CBFA2T3: variants seen among roughly 807,000 people sequenced by gnomAD.
CBFA2T3 encodes the protein CBFA2/RUNX1 partner transcriptional co-repressor 3, also known as transcriptional corepressor CBFA2T3.
Under a neutral mutation model 58.6 loss-of-function variants are expected in CBFA2T3, and 31 were observed. The observed-to-expected ratio is 0.53, with a 90% CI of 0.40 to 0.71. The LOEUF (loss-of-function observed/expected upper bound fraction) is 0.71. Among genes scored for constraint, CBFA2T3 ranks in the 30% least tolerant of loss-of-function variants. The probability of loss-of-function intolerance (pLI) is 0.00; values close to 1 mark genes in which losing one functional copy is unlikely to be tolerated. For synonymous variants in CBFA2T3, 531 were observed against 421.9 expected (o/e 1.26, Z -3.17); for missense variants, 1,076 against 963.1 (o/e 1.12, Z -1.55).
intron 7 of CBFA2T3, 27 bp from the exon 8 acceptor site, chr16:88,882,788 G>A: frequency 6.9e-7 from 1 of 1,441,684 alleles, no homozygotes; most frequent in Non-Finnish European, 9.5e-7. Context: ...TGCACGCTTA[G>A]GTCCCACCCA....
Position 88,904,902 on chromosome 16 carries a change from C to T in CBFA2T3, c.152-3246G>A, listed in dbSNP as rs6500507. Reference sequence around the variant, plus strand: ...CAGGAAGATGACGCGGAGTTCCCCACGCCCTGCCTTGGCAAGCAAGGAAAC... The same window carrying T: ...CAGGAAGATGACGCGGAGTTCCCCATGCCCTGCCTTGGCAAGCAAGGAAAC... On this transcript the variant is annotated intron_variant, in intron 1 of 11. Coordinates refer to ENST00000268679, the MANE Select transcript of CBFA2T3 (RefSeq NM_005187.6). Among the ~76,000 whole-genome samples, 7 of 152,272 alleles carry T rather than the reference C, an allele frequency of 4.6e-5. No homozygotes were observed. The South Asian group carries it at 1.0e-3, about 23-fold the overall frequency.
chr16:88,901,155 C>T (rs942486067), intron 2 of CBFA2T3, among the ~76,000 whole-genome samples: 2 of 152,256 alleles, frequency 1.3e-5, no homozygotes, highest in Non-Finnish European at 2.9e-5. Flanking sequence ...GCCTGCCGGA[C>T]GAGGCAGGAA....
At position 88,885,379 on chromosome 16, in the gene CBFA2T3, G is replaced by A. The variant is rs944549314; in HGVS notation, c.894-110C>T. The A allele has an allele frequency of 8.7e-6, 6 of 692,782 alleles. No individual in the cohort carries two copies. Among genetic ancestry groups the A allele is most frequent in the African/African-American group, 3.7e-5 (2 of 53,842 alleles). The allele number at this position is 692,782 out of a possible 1,614,324, so 42.9% of individuals were successfully genotyped here. Reference sequence around the variant, plus strand: ...GCAAGGGCAGAGAGAAAGAGGACACGTAAGGGCGAGACAGAAACACGGAGC... The same window carrying A: ...GCAAGGGCAGAGAGAAAGAGGACACATAAGGGCGAGACAGAAACACGGAGC... On this transcript the variant is annotated intron_variant, in intron 6 of 11. Coordinates refer to ENST00000268679, the MANE Select transcript of CBFA2T3 (RefSeq NM_005187.6). This position sits in a 1 kb window ranked among gnomAD's most constrained non-coding sequence, Gnocchi z 5.3.
intron 10 of CBFA2T3, chr16:88,879,713 C>T: frequency 2.1e-6 from 1 of 481,870 alleles, no homozygotes; most frequent in Admixed American, 3.4e-5. Context: ...ACAGGCATCC[C>T]AGGCATGTGT....
At position 88,885,534 on chromosome 16, in the gene CBFA2T3, G is replaced by A. The variant is rs777703411; in HGVS notation, c.894-265C>T. 1.4e-4 allele frequency among the ~76,000 whole-genome samples: 21 copies of A among 152,260 alleles called. No homozygotes were observed. Among genetic ancestry groups the A allele is most frequent in the African/African-American group, 3.9e-4 (16 of 41,546 alleles). On this transcript the variant is annotated intron_variant, in intron 6 of 11. Coordinates refer to ENST00000268679, the MANE Select transcript of CBFA2T3 (RefSeq NM_005187.6). The surrounding 1 kb of genome is among the most constrained non-coding windows in gnomAD (Gnocchi z 5.3). ...GCCTGGTGGTCAAAGAGCCGGACTC[G>A]CTGCTCTGGGAACGAGGAGAGGGAT...
intron 1 of CBFA2T3, among the ~76,000 whole-genome samples, chr16:88,918,349 T>C (rs207476260): frequency 6.6e-6 from 1 of 152,216 alleles, no homozygotes; most frequent in Non-Finnish European, 1.5e-5. Context: ...CCCTGTCCTC[T>C]TGCCCTGGCA....
At position 88,976,888 on chromosome 16, in the gene CBFA2T3, T is replaced by C; in HGVS notation, c.-81A>G. On this transcript the variant is annotated 5_prime_UTR_variant, in exon 1 of 12. Coordinates refer to ENST00000268679, the MANE Select transcript of CBFA2T3 (RefSeq NM_005187.6). ...CTGCCTTTCCCGACCTCCTGCAGCC[T>C]TGAGGGAAAGAGGAGGGGCTGGGCC... The C allele has an allele frequency of 6.8e-7, 1 of 1,471,382 alleles. No homozygotes were observed. Among genetic ancestry groups the C allele is most frequent in the South Asian group, 1.3e-5 (1 of 75,960 alleles). The allele number at this position is 1,471,382 out of a possible 1,614,324, so 91.1% of individuals were successfully genotyped here.
chr16:88,967,836 GC>G (rs1972553728), intron 1 of CBFA2T3, among the ~76,000 whole-genome samples: 2 of 152,226 alleles, frequency 1.3e-5, no homozygotes, highest in Admixed American at 6.5e-5. Context: ...GACGCCCCCT[GC>G]CCCGGAGCAG....
At chr16:88,882,632 G>A (rs370266159) in intron 8 of CBFA2T3, 44 bp downstream of exon 8, 20 of 1,309,322 alleles carry the variant, frequency 1.5e-5, no homozygotes, top group Middle Eastern at 2.3e-4. Flanking sequence ...GTGGCTGTGC[G>A]CCTGGGCATG....
chr16:88,936,511 A>G (rs916855624), intron 1 of CBFA2T3, among the ~76,000 whole-genome samples: 2 of 151,894 alleles, frequency 1.3e-5, no homozygotes, highest in African/African-American at 4.8e-5. Context: ...GGGGCAGCCG[A>G]GTATCCACCA....
rs977577041 is a variant in CBFA2T3 at position 88,977,103 on chromosome 16, G to C, written c.-296C>G. On this transcript the variant is annotated 5_prime_UTR_variant, in exon 1 of 12. Transcript: ENST00000268679. ...GGGTGAGGCAGCCAGCTGTGTCCCC[G>C]TGATAATGCCGGGGCCGGAGGCCTG... The C allele has an allele frequency of 2.8e-6, 1 of 354,212 alleles. No homozygotes were observed. Among genetic ancestry groups the C allele is most frequent in the Non-Finnish European group, 5.2e-6 (1 of 193,118 alleles). The allele number at this position is 354,212 out of a possible 1,614,324, so 21.9% of individuals were successfully genotyped here.
At chr16:88,901,472 T>C in intron 2 of CBFA2T3, 32 bp downstream of exon 2, 1 of 1,307,282 alleles carries the variant, frequency 7.6e-7, no homozygotes, top group Non-Finnish European at 1.0e-6. Context: ...CTGAAACACC[T>C]GGCCCTCGGC....
chr16:88,886,300 C>T (rs1410029520), intron 5 of CBFA2T3, 158 bp from the exon 6 acceptor site: 3 of 467,312 alleles, frequency 6.4e-6, no homozygotes, highest in African/African-American at 6.1e-5. Flanking sequence ...AAGTTCCTTC[C>T]TAGCAGTGCC....
intron 5 of CBFA2T3, among the ~76,000 whole-genome samples, chr16:88,890,262 G>A (rs564111237): frequency 3.3e-5 from 5 of 152,324 alleles, no homozygotes; most frequent in African/African-American, 7.2e-5. Flanking sequence ...ACAGCCTGAG[G>A]ATGATTCCAT....
intron 1 of CBFA2T3, among the ~76,000 whole-genome samples, chr16:88,905,081 G>C (rs1046532398): frequency 6.6e-6 from 1 of 152,050 alleles, no homozygotes; most frequent in Admixed American, 6.5e-5. Context: ...TTGTGGCCAA[G>C]AGAACAGCCT....
intron 1 of CBFA2T3, among the ~76,000 whole-genome samples, chr16:88,905,323 C>T (rs1453578473): frequency 6.6e-6 from 1 of 152,104 alleles, no homozygotes; most frequent in Non-Finnish European, 1.5e-5. Flanking sequence ...GGGCTCAGGG[C>T]CATGCACGAC....
rs1555534358 is a variant in CBFA2T3 at position 88,903,693 on chromosome 16, G to GGT, written c.152-2038_152-2037insAC. 1.0e-3 allele frequency among the ~76,000 whole-genome samples: 139 copies of GGT among 134,054 alleles called. 4 individuals are homozygous for GGT. The highest frequency in any genetic ancestry group is 3.6e-3 in the African/African-American group (130 of 36,038). 87.9% of individuals were successfully genotyped at this position (134,054 alleles called of 152,430 possible). A position where few individuals can be genotyped will look rare whatever the true frequency, so the allele number is the denominator to read the frequency against. On this transcript the variant is annotated intron_variant, in intron 1 of 11. Transcript: ENST00000268679. ...GGGCGTTCCTGGGGGGGCATTCCTG[G>GGT]GGGGGGCGTTCCTGGTGGGGGCAGC...
chr16:88,891,874 C>T lies in CBFA2T3; in HGVS notation c.711+8G>A, dbSNP rs3743541. 1.6e-5 allele frequency: 25 copies of T among 1,600,678 alleles called. No homozygotes were observed. Among genetic ancestry groups the T allele is most frequent in the East Asian group, 2.2e-5 (1 of 44,772 alleles). ...CTCCCGCAGCACGGGGGACGGGTTT[C>T]GCATTACCTTCAGGAAGGGAATGAC... On this transcript the variant is annotated splice_region_variant and intron_variant, in intron 5 of 11. Coordinates refer to ENST00000268679, the MANE Select transcript of CBFA2T3 (RefSeq NM_005187.6).
At chr16:88,887,732 G>A (rs1232595736) in intron 5 of CBFA2T3, among the ~76,000 whole-genome samples, 1 of 152,058 alleles carries the variant, frequency 6.6e-6, no homozygotes, top group Non-Finnish European at 1.5e-5. Context: ...CAGGGCACCC[G>A]GGGAGGTGTC....
Sources: gnomAD v4.1 joint callset for allele counts (sites outside exome capture counted in the v4.1 genomes callset) on GRCh38, gnomAD v4.1.1 for gene constraint, Gnocchi (gnomAD v3.1) non-coding constraint, MANE v1.5 for transcripts, NCBI Gene and HGNC (gene_info 2026-07-23, HGNC 2026-07-21) for gene names.